The following CDCP1 variants were observed in gnomAD, a reference collection of about 807,000 sequenced individuals.
The protein encoded by CDCP1 is CUB domain containing protein 1, also known as CUB domain-containing protein 1.
In CDCP1, 29 loss-of-function variants were observed where a neutral mutation model predicts 60.2. The ratio of observed to expected loss-of-function variants is 0.48; its 90% CI spans 0.36 to 0.66. The LOEUF is 0.66. Among genes scored for constraint, CDCP1 ranks in the 30% least tolerant of loss-of-function variants. The pLI is 0.00. For synonymous variants in CDCP1, 387 were observed against 431.1 expected (o/e 0.90, Z 1.27); for missense variants, 876 against 1,074.3 (o/e 0.82, Z 2.58).
rs1401302861 is a variant in CDCP1 at position 45,108,953 on chromosome 3, A to ATATATATATATATATATATTTTTTT, written c.1024+1519_1024+1520insAAAAAAATATATATATATATATATA. On this transcript the variant is annotated intron_variant, in intron 4 of 8. Transcript: ENST00000296129. ...CATGTATACATATATATATATATAT[A>ATATATATATATATATATATTTTTTT]TTTTTTTTTTTTTTGAGATGGAGTC... Among the ~76,000 whole-genome samples, 2 of 41,134 alleles carry ATATATATATATATATATATTTTTTT rather than the reference A, an allele frequency of 4.9e-5. 1 individual carries two copies. The highest frequency in any genetic ancestry group is 9.3e-5 in the Non-Finnish European group (2 of 21,462). The allele number at this position is 41,134 out of a possible 152,430, so 27.0% of individuals were successfully genotyped here.
Position 45,086,043 on chromosome 3 carries a change from G to A in CDCP1, c.2106C>T (p.Pro702=), listed in dbSNP as rs757938723. The A allele has an allele frequency of 4.8e-5, 77 of 1,613,630 alleles. 1 individual carries two copies. Among genetic ancestry groups the A allele is most frequent in the South Asian group, 3.1e-4 (28 of 91,066 alleles). Residue 702 remains proline (P), a synonymous_variant, in exon 9 of 9, where the codon CCC becomes CCT. Transcript: ENST00000296129. The stretch of plus-strand genomic sequence containing the variant: ...TGTTGTCATTGTAGATACCCACAGC[G>A]GGGCCCTTGTTTGTCTTCTTTTTCC... ...KKKKKKTNKG[P]AVGIYNDNIN...
intron 1 of CDCP1, among the ~76,000 whole-genome samples, chr3:45,145,115 T>C (rs867135916): frequency 6.6e-6 from 1 of 152,144 alleles, no homozygotes; most frequent in African/African-American, 2.4e-5. Context: ...TCCTGGAGCT[T>C]ATATTGATAT....
rs1040633580 is a variant in CDCP1 at position 45,082,467 on chromosome 3, C to T, written c.*3171G>A. ...GTCAACAACTGGGAAACCGGGGCCT[C>T]TACTGAACCAGGGGACAAGTAGCCG... On this transcript the variant is annotated 3_prime_UTR_variant, in exon 9 of 9. Coordinates refer to ENST00000296129, the MANE Select transcript of CDCP1 (RefSeq NM_022842.5). 1 of 152,176 alleles carries T rather than the reference C, an allele frequency of 6.6e-6. No homozygotes were observed. The highest frequency in any genetic ancestry group is 1.5e-5 in the Non-Finnish European group (1 of 68,038). The allele number at this position is 152,176 out of a possible 1,614,324, so 9.4% of individuals were successfully genotyped here. A position where few individuals can be genotyped will look rare whatever the true frequency, so the allele number is the denominator to read the frequency against.
intron 6 of CDCP1, among the ~76,000 whole-genome samples, chr3:45,092,021 C>T (rs1411625857): frequency 6.6e-6 from 1 of 152,168 alleles, no homozygotes; most frequent in Admixed American, 6.5e-5. Context: ...TCTTGAACTC[C>T]TGAGCTCAAG....
At chr3:45,098,325 A>G (rs983392350) in intron 4 of CDCP1, among the ~76,000 whole-genome samples, 2 of 152,082 alleles carry the variant, frequency 1.3e-5, no homozygotes, top group Non-Finnish European at 1.5e-5. Flanking sequence ...TAGCCTCCTG[A>G]GTATCTGTGA....
chr3:45,103,399 A>G (rs1303381934), intron 4 of CDCP1, among the ~76,000 whole-genome samples: 1 of 152,134 alleles, frequency 6.6e-6, no homozygotes, highest in Admixed American at 6.6e-5. Flanking sequence ...GGTGATTTAG[A>G]TTGTTTTCAG....
chr3:45,108,012 A>G (rs1484247416), intron 4 of CDCP1, among the ~76,000 whole-genome samples: 4 of 152,002 alleles, frequency 2.6e-5, no homozygotes, highest in African/African-American at 7.2e-5. Flanking sequence ...CAGCTACTCA[A>G]GAAGCTGAGG....
intron 1 of CDCP1, among the ~76,000 whole-genome samples, chr3:45,130,449 A>C (rs1699071231): frequency 1.3e-5 from 2 of 152,004 alleles, no homozygotes; most frequent in Admixed American, 1.3e-4. Context: ...ACTCAGTAAA[A>C]CCATTGCTAG....
intron 1 of CDCP1, among the ~76,000 whole-genome samples, chr3:45,143,755 T>C (rs1699335985): frequency 6.6e-6 from 1 of 152,112 alleles, no homozygotes; most frequent in East Asian, 1.9e-4. Flanking sequence ...GCAACCATCA[T>C]AGATGAAATG....
chr3:45,120,797 C>T, intron 1 of CDCP1, among the ~76,000 whole-genome samples: 1 of 152,286 alleles, frequency 6.6e-6, no homozygotes, highest in Admixed American at 6.5e-5. Flanking sequence ...CTGGTCCTGA[C>T]ACCAAAAGTG....
intron 3 of CDCP1, among the ~76,000 whole-genome samples, chr3:45,111,485 G>C (rs1317582621): frequency 6.6e-6 from 1 of 152,130 alleles, no homozygotes; most frequent in Admixed American, 6.6e-5. Flanking sequence ...AGACCAGCCT[G>C]GCCAACATGG....
rs1346369099 is a variant in CDCP1, at chr3:45,095,455, A to T, written c.1138T>A (p.Ser380Thr). 6.2e-7 allele frequency: 1 copy of T among 1,614,194 alleles called. No homozygotes were observed. Among genetic ancestry groups the T allele is most frequent in the Admixed American group, 1.7e-5 (1 of 60,034 alleles). The change falls in exon 5 of 9, where the codon TCT becomes ACT. Residue 380 changes from serine to threonine, a missense_variant. By Grantham distance (58) the Ser-to-Thr change is moderately conservative. Around this residue, in one of 2 missense-constraint regions of CDCP1, gnomAD observed 726 missense variants for 935.7 expected, o/e 0.78. Transcript: ENST00000296129. The stretch of plus-strand genomic sequence containing the variant: ...GTGAGGTTGCTACTGCAGGTCCGAG[A>T]TTCTAGACACACGAAACAGCCAGGG... ...FVPGCFVCLE[S>T]RTCSSNLTLT...
In CDCP1 at chr3:45,112,324, C is replaced by T; in HGVS notation, c.414G>A (p.Glu138=). 2 of 1,614,272 alleles carry T rather than the reference C, an allele frequency of 1.2e-6. No individual in the cohort carries two copies. Among genetic ancestry groups the T allele is most frequent in the Non-Finnish European group, 1.7e-6 (2 of 1,180,048 alleles). The part of the protein sequence containing the change: ...DVKAHKSIGL[E]LQFSIPRLRQ... ...TCAGGCGAGGGATGGAAAACTGCAG[C>T]TCTAAACCGATGCTCTTATGAGCTT... Residue 138 remains glutamate, a synonymous_variant, in exon 3 of 9, where the codon GAG becomes GAA. Transcript: ENST00000296129.
rs767955745 is a variant in CDCP1, at chr3:45,118,427, T to C, written c.277A>G (p.Ile93Val). The C allele has an allele frequency of 1.7e-5, 27 of 1,613,658 alleles. No individual in the cohort carries two copies. Among genetic ancestry groups the C allele is most frequent in the Non-Finnish European group, 2.1e-5 (25 of 1,179,574 alleles). Residue 93 changes from isoleucine to valine, a missense_variant, in exon 2 of 9, where the codon ATC becomes GTC. This residue lies in a region of CDCP1 where 150 missense variants were observed against 138.6 expected (regional missense o/e 1.08). Transcript: ENST00000296129. ...GTCTACTTACCAATATTTTTCTGGA[T>C]CTCTATGACAAAGTGATTCTCAGGA... ...QSPENHFVIE[I>V]QKNIDCMSGP...
intron 4 of CDCP1, among the ~76,000 whole-genome samples, chr3:45,105,916 GA>G (rs1250319929): frequency 6.6e-6 from 1 of 152,164 alleles, no homozygotes; most frequent in Non-Finnish European, 1.5e-5. Context: ...AGGTGAACAT[GA>G]ACTGAGCTCT....
At chr3:45,107,609 C>A (rs1395204816) in intron 4 of CDCP1, among the ~76,000 whole-genome samples, 1 of 152,198 alleles carries the variant, frequency 6.6e-6, no homozygotes, top group Non-Finnish European at 1.5e-5. Context: ...CTACCTCACA[C>A]TGTCCTCACA....
chr3:45,091,135 T>G lies in CDCP1; in HGVS notation c.1993+38A>C, dbSNP rs1363094089. ...CTCTATCCTCCAGCTGACAATTTTTTGTTCATCACTGTCCCCAAAGACCCT... is the reference window on the plus strand; with the variant it reads ...CTCTATCCTCCAGCTGACAATTTTTGGTTCATCACTGTCCCCAAAGACCCT... On this transcript the variant is annotated intron_variant, in intron 7 of 8. Coordinates refer to ENST00000296129, the MANE Select transcript of CDCP1 (RefSeq NM_022842.5). This position sits in a 1 kb window ranked among gnomAD's most constrained non-coding sequence, Gnocchi z 4.8. 4.4e-6 allele frequency: 7 copies of G among 1,573,778 alleles called. No homozygotes were observed. The highest frequency in any genetic ancestry group is 6.0e-6 in the Non-Finnish European group (7 of 1,158,260).
intron 1 of CDCP1, among the ~76,000 whole-genome samples, chr3:45,138,526 C>T (rs1056431851): frequency 6.6e-6 from 1 of 152,082 alleles, no homozygotes; most frequent in Non-Finnish European, 1.5e-5. Flanking sequence ...TAAAGGAATA[C>T]CTAAAGCTGG....
At position 45,110,176 on chromosome 3, in the gene CDCP1, G is replaced by A. The variant is rs73829922; in HGVS notation, c.1024+297C>T. Reference sequence around the variant, plus strand: ...GGTGACATCCTCATTCACATTGCAGGGTCAAGACATAAGATCTAGAAAAAT... The same window carrying A: ...GGTGACATCCTCATTCACATTGCAGAGTCAAGACATAAGATCTAGAAAAAT... On this transcript the variant is annotated intron_variant, in intron 4 of 8. Coordinates refer to ENST00000296129, the MANE Select transcript of CDCP1 (RefSeq NM_022842.5). 3 of 1,234,998 alleles carry A rather than the reference G, an allele frequency of 2.4e-6. No homozygotes were observed. The Admixed American group carries it at 1.2e-4, about 49-fold the overall frequency. 76.5% of individuals were successfully genotyped at this position (1,234,998 alleles called of 1,614,324 possible).
Sources: allele counts gnomAD v4.1 joint callset (sites outside exome capture counted in the v4.1 genomes callset), GRCh38; gene constraint gnomAD v4.1.1; regional missense constraint gnomAD v4.1.1; non-coding constraint Gnocchi (gnomAD v3.1); transcripts MANE v1.5; gene names NCBI Gene and HGNC (gene_info 2026-07-23, HGNC 2026-07-21).